The following ERBB4 variants were observed in gnomAD, a reference collection of about 807,000 sequenced individuals.
ERBB4 encodes receptor tyrosine-protein kinase erbB-4.
A neutral mutation model predicts 158.0 loss-of-function variants in ERBB4; 42 were observed. The ratio of observed to expected loss-of-function variants is 0.27; its 90% confidence interval spans 0.21 to 0.34. The LOEUF (loss-of-function observed/expected upper bound fraction) is 0.34, where lower values mean the gene tolerates loss of function less well. Ranked by LOEUF, ERBB4 falls within the 10% of genes least tolerant of loss-of-function variation. The pLI, the probability that ERBB4 is intolerant of heterozygous loss-of-function variation, is 1.00. For synonymous variants in ERBB4, 583 were observed against 558.7 expected (o/e 1.04, Z -0.61); for missense variants, 1,333 against 1,624.1 (o/e 0.82, Z 3.08).
intron 19 of ERBB4, among the ~76,000 whole-genome samples, chr2:211,610,578 T>C (rs1299181176): frequency 6.6e-6 from 1 of 152,150 alleles, no homozygotes; most frequent in Non-Finnish European, 1.5e-5. Flanking sequence ...GGATTTTTCC[T>C]AAGTCATCAT....
chr2:211,480,085 T>C (rs574734439), intron 20 of ERBB4, among the ~76,000 whole-genome samples: 13 of 152,318 alleles, frequency 8.5e-5, no homozygotes, highest in South Asian at 4.1e-4. Context: ...TCTGCCACCA[T>C]TGGAACTGAC....
chr2:212,141,909 G>C (rs1379971101), intron 1 of ERBB4, among the ~76,000 whole-genome samples: 1 of 151,908 alleles, frequency 6.6e-6, no homozygotes, highest in Non-Finnish European at 1.5e-5. Flanking sequence ...AATCTTCTTT[G>C]CTCAAATATC....
intron 1 of ERBB4, among the ~76,000 whole-genome samples, chr2:212,198,518 T>A (rs557545220): frequency 1.3e-5 from 2 of 152,200 alleles, no homozygotes; most frequent in Non-Finnish European, 2.9e-5. Context: ...GTCAATCGTA[T>A]TGTAGTATGT....
chr2:212,286,596 T>TGTTTTTTTTTTTTGTTTG (rs200822862), intron 1 of ERBB4, among the ~76,000 whole-genome samples: 6 of 91,142 alleles, frequency 6.6e-5, no homozygotes, highest in African/African-American at 3.9e-4. Context: ...AGTGCTGACT[T>TGTTTTTTTTTTTTGTTTG]TTTTTTTTTT....
chr2:211,881,844 T>G (rs377182507), intron 3 of ERBB4, among the ~76,000 whole-genome samples: 1 of 152,142 alleles, frequency 6.6e-6, no homozygotes, highest in African/African-American at 2.4e-5. Flanking sequence ...CCCTTGATAT[T>G]TGTAGCCATG....
intron 19 of ERBB4, among the ~76,000 whole-genome samples, chr2:211,580,833 T>TTATATATATAG (rs2068061937): frequency 3.0e-5 from 1 of 33,678 alleles, no homozygotes; most frequent in African/African-American, 4.9e-5. Context: ...ATTATATATA[T>TTATATATATAG]AGATTATATA....
intron 1 of ERBB4, among the ~76,000 whole-genome samples, chr2:212,418,845 A>G (rs947247822): frequency 6.6e-6 from 1 of 151,862 alleles, no homozygotes; most frequent in Admixed American, 6.6e-5. Flanking sequence ...TCTGGAAAAT[A>G]GGTGTTTCTG....
At chr2:212,005,938 T>C (rs1047839639) in intron 2 of ERBB4, among the ~76,000 whole-genome samples, 1 of 151,834 alleles carries the variant, frequency 6.6e-6, no homozygotes, top group African/African-American at 2.4e-5. Flanking sequence ...AATAAATACA[T>C]AAATAACACT....
chr2:211,454,952 C>A (rs1022578179), intron 20 of ERBB4, among the ~76,000 whole-genome samples: 3 of 152,172 alleles, frequency 2.0e-5, no homozygotes, highest in Non-Finnish European at 4.4e-5. Context: ...TATTGCCTGG[C>A]GAGTTTTAAA....
chr2:212,207,937 T>C (rs191656106), intron 1 of ERBB4, among the ~76,000 whole-genome samples: 308 of 135,076 alleles, frequency 2.3e-3, no homozygotes, highest in Non-Finnish European at 3.7e-3. Context: ...TTGTATTAAA[T>C]TCAATAATTA....
At chr2:212,377,206 T>G (rs2090353141) in intron 1 of ERBB4, among the ~76,000 whole-genome samples, 1 of 148,176 alleles carries the variant, frequency 6.7e-6, no homozygotes, top group South Asian at 2.1e-4. Flanking sequence ...CAAATATATA[T>G]ATATATATGA....
Position 212,282,219 on chromosome 2 carries a change from A to G in ERBB4, c.83-157316T>C, listed in dbSNP as rs77325032. Among the ~76,000 whole-genome samples, 440 of 151,920 alleles carry G rather than the reference A, an allele frequency of 2.9e-3. 3 individuals are homozygous for G. Among genetic ancestry groups the G allele is most frequent in the African/African-American group, 0.01 (421 of 41,506 alleles). On this transcript the variant is annotated intron_variant, in intron 1 of 27. Coordinates refer to ENST00000342788, the MANE Select transcript of ERBB4 (RefSeq NM_005235.3). ...CCTGGCAGGCACCACAGGGATATGT[A>G]TTTTTTCAATTCCCTCATTTTATAG...
intron 1 of ERBB4, among the ~76,000 whole-genome samples, chr2:212,363,566 A>T (rs961129005): frequency 6.6e-6 from 1 of 151,590 alleles, no homozygotes; most frequent in African/African-American, 2.4e-5. Flanking sequence ...AATAAACTGC[A>T]GCCAGATATC....
chr2:211,864,181 G>A (rs775811942), intron 3 of ERBB4, among the ~76,000 whole-genome samples: 39 of 152,146 alleles, frequency 2.6e-4, no homozygotes, highest in Non-Finnish European at 5.0e-4. Context: ...GGGTGTTCTG[G>A]CACTGGCCCT....
chr2:212,074,865 G>T (rs1293410544), intron 2 of ERBB4, among the ~76,000 whole-genome samples: 1 of 151,942 alleles, frequency 6.6e-6, no homozygotes, highest in Non-Finnish European at 1.5e-5. Flanking sequence ...TCTGCCCAGT[G>T]CCTTAGTCTC....
intron 1 of ERBB4, among the ~76,000 whole-genome samples, chr2:212,391,151 C>T (rs2090841642): frequency 6.6e-6 from 1 of 151,670 alleles, no homozygotes; most frequent in African/African-American, 2.4e-5. Flanking sequence ...TATGCCTTAT[C>T]AATAGAAAAC....
At chr2:212,349,286 A>ATC (rs2089147375) in intron 1 of ERBB4, among the ~76,000 whole-genome samples, 3 of 86,812 alleles carry the variant, frequency 3.5e-5, no homozygotes, top group African/African-American at 1.2e-4. Context: ...CAACTTCTTA[A>ATC]TCACACACAC....
At chr2:211,562,575 T>C (rs1024903707) in intron 19 of ERBB4, among the ~76,000 whole-genome samples, 4 of 152,120 alleles carry the variant, frequency 2.6e-5, no homozygotes, top group African/African-American at 9.7e-5. Flanking sequence ...AAATCGTAAA[T>C]ATGGAAATGT....
At chr2:212,363,242 A>C (rs969453188) in intron 1 of ERBB4, among the ~76,000 whole-genome samples, 5 of 151,502 alleles carry the variant, frequency 3.3e-5, no homozygotes, top group Non-Finnish European at 7.4e-5. Flanking sequence ...AAAATATACA[A>C]TATAAAATCA....
Sources: allele counts gnomAD v4.1 joint callset (sites outside exome capture counted in the v4.1 genomes callset), GRCh38; gene constraint gnomAD v4.1.1; transcripts MANE v1.5; gene names NCBI Gene and HGNC (gene_info 2026-07-23, HGNC 2026-07-21).